Variants in CHRM3 observed in about 807,000 individuals in gnomAD.
The protein encoded by CHRM3 is cholinergic receptor muscarinic 3.
A neutral mutation model predicts 41.8 loss-of-function variants in CHRM3; 11 were observed. The observed-to-expected ratio is 0.26, with a 90% CI of 0.17 to 0.44. The LOEUF is 0.44. Among genes scored for constraint, CHRM3 ranks in the 20% least tolerant of loss-of-function variants. The pLI, the probability that CHRM3 is intolerant of heterozygous loss-of-function variation, is 1.00. For missense variants in CHRM3, 571 were observed against 745.4 expected (o/e 0.77, Z 2.72); for synonymous variants, 297 against 301.4 (o/e 0.99, Z 0.15).
At chr1:239,727,298 C>A (rs536167591) in intron 5 of CHRM3, among the ~76,000 whole-genome samples, 1 of 151,958 alleles carries the variant, frequency 6.6e-6, no homozygotes, top group South Asian at 2.1e-4. Flanking sequence ...CTGCACCTGA[C>A]CCCAAAAGAA....
At chr1:239,588,445 T>C (rs970150906) in intron 3 of CHRM3, among the ~76,000 whole-genome samples, 5 of 152,186 alleles carry the variant, frequency 3.3e-5, no homozygotes, top group Admixed American at 1.3e-4. Context: ...GAATGCTCAT[T>C]AATTCAATGT....
rs529295622 is a variant in CHRM3 at position 239,696,536 on chromosome 1, A to G, written c.-147+18248A>G. Among the ~76,000 whole-genome samples, 3 of 152,236 alleles carry G rather than the reference A, an allele frequency of 2.0e-5. No individual in the cohort carries two copies. The South Asian group carries it at 6.2e-4, about 32-fold the overall frequency. On this transcript the variant is annotated intron_variant, in intron 5 of 6. Coordinates refer to ENST00000676153, the MANE Select transcript of CHRM3 (RefSeq NM_001375978.1). Reference sequence around the variant, plus strand: ...TAAAATGAGACCTATGAAAACACCCACTTCCCAGGGCCAAAGTACAGTTTG... The same window carrying G: ...TAAAATGAGACCTATGAAAACACCCGCTTCCCAGGGCCAAAGTACAGTTTG...
intron 5 of CHRM3, among the ~76,000 whole-genome samples, chr1:239,801,240 C>T (rs1236789157): frequency 2.0e-5 from 3 of 152,172 alleles, no homozygotes; most frequent in African/African-American, 7.2e-5. Flanking sequence ...AGGCTTAGAG[C>T]AGTGGCGTAG....
At chr1:239,551,084 G>T (rs973034818) in intron 3 of CHRM3, among the ~76,000 whole-genome samples, 20 of 149,156 alleles carry the variant, frequency 1.3e-4, no homozygotes, top group African/African-American at 4.7e-4. Flanking sequence ...ATATGACCAA[G>T]GAAGTCCCCT....
intron 5 of CHRM3, among the ~76,000 whole-genome samples, chr1:239,816,048 A>G (rs1440792375): frequency 6.6e-6 from 1 of 152,032 alleles, no homozygotes; most frequent in Non-Finnish European, 1.5e-5. Context: ...GGGGGAAAAA[A>G]GAACAGACTT....
At chr1:239,580,689 T>TTTTATATATATATATA (rs1553332703) in intron 3 of CHRM3, among the ~76,000 whole-genome samples, 1 of 65,150 alleles carries the variant, frequency 1.5e-5, no homozygotes, top group Non-Finnish European at 4.1e-5. Context: ...TTGCCCAATT[T>TTTTATATATATATATA]TATATATATA....
intron 5 of CHRM3, among the ~76,000 whole-genome samples, chr1:239,749,489 T>C (rs1057390427): frequency 1.3e-5 from 2 of 152,224 alleles, no homozygotes; most frequent in African/African-American, 4.8e-5. Context: ...GCCAACATGG[T>C]GAAACCTGTC....
chr1:239,706,308 G>C (rs1272330316), intron 5 of CHRM3: 1 of 151,854 alleles, frequency 6.6e-6, no homozygotes, highest in East Asian at 1.9e-4. Context: ...TTTACTGACA[G>C]AAAGGATACT....
intron 1 of CHRM3, among the ~76,000 whole-genome samples, chr1:239,481,316 G>T (rs919919013): frequency 6.6e-6 from 1 of 152,094 alleles, no homozygotes; most frequent in African/African-American, 2.4e-5. Flanking sequence ...TTCGGAAGAC[G>T]TATTTTAGAA....
At chr1:239,643,509 G>C (rs573660240) in intron 4 of CHRM3, among the ~76,000 whole-genome samples, 3 of 152,330 alleles carry the variant, frequency 2.0e-5, no homozygotes, top group African/African-American at 7.2e-5. Flanking sequence ...CCGCCTTGCA[G>C]TTTGATCTCA....
intron 1 of CHRM3, among the ~76,000 whole-genome samples, chr1:239,422,220 C>G (rs1050027579): frequency 4.6e-5 from 7 of 152,154 alleles, no homozygotes; most frequent in African/African-American, 1.7e-4. Context: ...AATATTTGAG[C>G]ATAGGCTACA....
At chr1:239,568,712 C>T (rs1661579438) in intron 3 of CHRM3, among the ~76,000 whole-genome samples, 1 of 151,964 alleles carries the variant, frequency 6.6e-6, no homozygotes, top group Non-Finnish European at 1.5e-5. Flanking sequence ...TTTTCCTCAG[C>T]CTCCCCTCTT....
chr1:239,904,257 C>T (rs1048963231), intron 6 of CHRM3, among the ~76,000 whole-genome samples: 3 of 151,942 alleles, frequency 2.0e-5, no homozygotes, highest in African/African-American at 7.3e-5. Flanking sequence ...AAACACAGGC[C>T]CGGTGCTGGA....
Position 239,582,186 on chromosome 1 carries a change from T to C in CHRM3, c.-313+36437T>C, listed in dbSNP as rs187671531. 5.5e-3 allele frequency among the ~76,000 whole-genome samples: 840 copies of C among 152,302 alleles called. 5 individuals carry two copies. The highest frequency in any genetic ancestry group is 0.016 in the African/African-American group (659 of 41,568). On this transcript the variant is annotated intron_variant, in intron 3 of 6. Coordinates refer to ENST00000676153, the MANE Select transcript of CHRM3 (RefSeq NM_001375978.1). ...ATACAAATTATGGCCACCTACTAGCTTTTATGAAGTTTTCACTTGCACTCA... is the reference window on the plus strand; with the variant it reads ...ATACAAATTATGGCCACCTACTAGCCTTTATGAAGTTTTCACTTGCACTCA...
chr1:239,834,282 A>T (rs2149114189), intron 6 of CHRM3, among the ~76,000 whole-genome samples: 1 of 149,962 alleles, frequency 6.7e-6, no homozygotes, highest in Non-Finnish European at 1.5e-5. Flanking sequence ...CTCTACCATA[A>T]TACCCACGTT....
rs143522165 is a variant in CHRM3, at chr1:239,828,870, C to T, written c.-20+1492C>T. ...CGGATGGGAGGAGATCTAAGATGAACAAAGGAAATCACTTCAGAGACTTTC... is the reference window on the plus strand; with the variant it reads ...CGGATGGGAGGAGATCTAAGATGAATAAAGGAAATCACTTCAGAGACTTTC... On this transcript the variant is annotated intron_variant, in intron 6 of 6. Coordinates refer to ENST00000676153, the MANE Select transcript of CHRM3 (RefSeq NM_001375978.1). Among the ~76,000 whole-genome samples, 449 of 152,186 alleles carry T rather than the reference C, an allele frequency of 3.0e-3. 2 individuals are homozygous for T. The highest frequency in any genetic ancestry group is 0.014 in the Middle Eastern group (4 of 294).
At chr1:239,760,934 A>G (rs1666710119) in intron 5 of CHRM3, among the ~76,000 whole-genome samples, 1 of 151,958 alleles carries the variant, frequency 6.6e-6, no homozygotes. Context: ...GATTTTTCAG[A>G]TGTTTGTTTG....
chr1:239,875,779 G>C (rs1048891219), intron 6 of CHRM3, among the ~76,000 whole-genome samples: 3 of 152,210 alleles, frequency 2.0e-5, no homozygotes, highest in Admixed American at 6.5e-5. Context: ...AAAATTAAGT[G>C]AGAGTTATTG....
chr1:239,703,874 C>T (rs915523206), intron 5 of CHRM3: 3 of 122,104 alleles, frequency 2.5e-5, no homozygotes, highest in Non-Finnish European at 5.4e-5. Flanking sequence ...AATCATTAAA[C>T]GCACTGAATG....
Sources: gnomAD v4.1 joint callset for allele counts (sites outside exome capture counted in the v4.1 genomes callset) on GRCh38, gnomAD v4.1.1 for gene constraint, MANE v1.5 for transcripts, NCBI Gene and HGNC (gene_info 2026-07-23, HGNC 2026-07-21) for gene names.